Variants in BCL7A observed in about 807,000 individuals in gnomAD.
BCL7A encodes the protein B-cell CLL/lymphoma 7 protein family member A.
A neutral mutation model predicts 28.4 loss-of-function variants in BCL7A; 11 were observed. The observed-to-expected ratio is 0.39, with a 90% confidence interval of 0.24 to 0.64. The LOEUF (loss-of-function observed/expected upper bound fraction) is 0.64, where lower values mean the gene tolerates loss of function less well. BCL7A is among the 30% of genes least tolerant of loss of function. BCL7A has a pLI of 0.50. For synonymous variants in BCL7A, 123 were observed against 103.3 expected, an observed-to-expected ratio of 1.19 and a Z score of -1.15; for missense variants, 222 against 274.8, an observed-to-expected ratio of 0.81 and a Z score of 1.36.
At chr12:122,042,684 G>C (rs1883985862) in intron 3 of BCL7A, among the ~76,000 whole-genome samples, 1 of 151,644 alleles carries the variant, frequency 6.6e-6, no homozygotes, top group South Asian at 2.1e-4. Context: ...AGTTCAGGGA[G>C]TCCTGACAGT....
At position 122,043,952 on chromosome 12, in the gene BCL7A, C is replaced by G; in HGVS notation, c.338C>G (p.Ser113Cys). The G allele has an allele frequency of 1.9e-6, 3 of 1,614,034 alleles. No individual in the cohort carries two copies. Among genetic ancestry groups the G allele is most frequent in the Non-Finnish European group, 2.5e-6 (3 of 1,180,028 alleles). The change falls in exon 4 of 6, where the codon TCC becomes TGC. Residue 113 changes from serine to cysteine, a missense_variant. By Grantham distance (112) the Ser-to-Cys change is moderately radical. Around this residue, in one of 2 missense-constraint regions of BCL7A, gnomAD observed 155 missense variants for 145.7 expected, o/e 1.06. Coordinates refer to ENST00000261822, the MANE Select transcript of BCL7A (RefSeq NM_001024808.3). ...SPIKQENSSN[S>C]SPAPEPNSAV... Reference sequence around the variant, plus strand: ...ATCAAACAGGAGAACAGCAGCAACTCCAGCCCCGCTCCAGAGCCCAACTCG... The same window carrying G: ...ATCAAACAGGAGAACAGCAGCAACTGCAGCCCCGCTCCAGAGCCCAACTCG...
At position 122,061,335 on chromosome 12, in the gene BCL7A, G is replaced by A. The variant is rs952278800; in HGVS notation, c.*2172G>A. On this transcript the variant is annotated 3_prime_UTR_variant, in exon 6 of 6. Coordinates refer to ENST00000261822, the MANE Select transcript of BCL7A (RefSeq NM_001024808.3). ...TGGCGCAGGTGAGGACTCAGACGAC[G>A]TCCACCGTCCCAAGGCTGTCACTAG... 20 of 230,898 alleles carry A rather than the reference G, an allele frequency of 8.7e-5. 1 individual carries two copies. The highest frequency in any genetic ancestry group is 3.6e-4 in the South Asian group (2 of 5,504). 14.3% of individuals were successfully genotyped at this position (230,898 alleles called of 1,614,324 possible).
intron 4 of BCL7A, among the ~76,000 whole-genome samples, chr12:122,044,932 G>A (rs1212607014): frequency 6.6e-6 from 1 of 152,142 alleles, no homozygotes; most frequent in Non-Finnish European, 1.5e-5. Flanking sequence ...GGGGTGGGGG[G>A]TCTTGCTGAA....
intron 2 of BCL7A, among the ~76,000 whole-genome samples, chr12:122,033,592 G>A (rs1341734044): frequency 1.3e-5 from 2 of 152,300 alleles, no homozygotes; most frequent in Non-Finnish European, 2.9e-5. Context: ...GATTACCGGC[G>A]TGAGCCACCA....
At chr12:122,040,955 G>A (rs565934151) in intron 3 of BCL7A, among the ~76,000 whole-genome samples, 31 of 152,248 alleles carry the variant, frequency 2.0e-4, no homozygotes, top group African/African-American at 6.3e-4. Flanking sequence ...AGCCTCTTGC[G>A]CGTGTGCTTG....
At chr12:122,024,189 A>G (rs976706997) in intron 1 of BCL7A, among the ~76,000 whole-genome samples, 7 of 152,192 alleles carry the variant, frequency 4.6e-5, no homozygotes, top group Non-Finnish European at 1.0e-4. Flanking sequence ...TTGGGGAAAC[A>G]ACACATCGTG....
intron 1 of BCL7A, among the ~76,000 whole-genome samples, chr12:122,030,269 A>G (rs1883713689): frequency 6.6e-6 from 1 of 152,132 alleles, no homozygotes; most frequent in South Asian, 2.1e-4. Context: ...GGGCAGGAGG[A>G]GCCCCGGGGT....
At chr12:122,046,536 A>G (rs533090888) in intron 4 of BCL7A, among the ~76,000 whole-genome samples, 3 of 152,310 alleles carry the variant, frequency 2.0e-5, no homozygotes, top group East Asian at 3.9e-4. Context: ...CCAAGAACCC[A>G]TAGGTCAGCA....
At chr12:122,033,736 C>T (rs547813197) in intron 2 of BCL7A, among the ~76,000 whole-genome samples, 21 of 152,294 alleles carry the variant, frequency 1.4e-4, no homozygotes, top group Non-Finnish European at 1.6e-4. Flanking sequence ...GGATTACAGG[C>T]GTGAGCCACC....
chr12:122,040,803 C>T (rs1021343243), intron 3 of BCL7A, among the ~76,000 whole-genome samples: 2 of 152,030 alleles, frequency 1.3e-5, no homozygotes, highest in African/African-American at 4.8e-5. Flanking sequence ...GGCGGTGCCC[C>T]GGGCCCTTTA....
At chr12:122,023,963 T>C (rs1406925795) in intron 1 of BCL7A, among the ~76,000 whole-genome samples, 1 of 152,312 alleles carries the variant, frequency 6.6e-6, no homozygotes, top group African/African-American at 2.4e-5. Flanking sequence ...TGGGGCCTCC[T>C]ACTCCAGGTT....
intron 4 of BCL7A, 196 bp downstream of exon 4, chr12:122,044,249 C>G (rs977812695): frequency 1.8e-5 from 11 of 618,840 alleles, no homozygotes; most frequent in Non-Finnish European, 2.7e-6. Context: ...TGGCTCATGC[C>G]TGTAATCCCT....
intron 4 of BCL7A, among the ~76,000 whole-genome samples, chr12:122,048,088 C>A (rs548967905): frequency 6.6e-6 from 1 of 151,410 alleles, no homozygotes; most frequent in Admixed American, 6.6e-5. Flanking sequence ...TTTTTAGTAG[C>A]GACAGGGTTT....
At chr12:122,022,996 G>A (rs1883505940) in intron 1 of BCL7A, among the ~76,000 whole-genome samples, 1 of 152,170 alleles carries the variant, frequency 6.6e-6, no homozygotes, top group Admixed American at 6.5e-5. Context: ...TGTTTGTTTT[G>A]CGGAGGGAGC....
In BCL7A at chr12:122,045,430, C is replaced by T. The variant is rs1188725507; in HGVS notation, c.439+1377C>T. Among the ~76,000 whole-genome samples the T allele has an allele frequency of 5.9e-5, 9 of 151,890 alleles. 1 individual carries two copies. The highest frequency in any genetic ancestry group is 1.2e-4 in the Non-Finnish European group (8 of 67,976). The stretch of plus-strand genomic sequence containing the variant: ...TAATACGGGGTCAGACAGCAGGCAG[C>T]GCCTCAGGTGTGGGGGGCTCGTAAG... On this transcript the variant is annotated intron_variant, in intron 4 of 5. Transcript: ENST00000261822.
intron 1 of BCL7A, among the ~76,000 whole-genome samples, chr12:122,022,675 C>T (rs1457057851): frequency 1.4e-5 from 2 of 146,744 alleles, no homozygotes; most frequent in Non-Finnish European, 3.0e-5. Context: ...CGGCCCGCGC[C>T]CCGCCGCCCT....
At chr12:122,039,368 C>T (rs1202547052) in intron 3 of BCL7A, among the ~76,000 whole-genome samples, 1 of 147,972 alleles carries the variant, frequency 6.8e-6, no homozygotes, top group South Asian at 2.1e-4. Context: ...TGATGCGCAC[C>T]TATAGTCACA....
In BCL7A at chr12:122,059,263, A is replaced by T. The variant is rs566007663; in HGVS notation, c.*100A>T. ...AGCGATTCCTCTTGGGTGCGAACAG[A>T]ACTACTAACGTTTCAAGTTTACCAA... is the stretch of plus-strand genomic sequence containing the variant. On this transcript the variant is annotated 3_prime_UTR_variant, in exon 6 of 6. Transcript: ENST00000261822. The surrounding 1 kb of genome is among the most constrained non-coding windows in gnomAD (Gnocchi z 4.0). 55 of 1,114,160 alleles carry T rather than the reference A, an allele frequency of 4.9e-5. 1 individual carries two copies. In the East Asian group the frequency reaches 9.9e-4, roughly 20 times the overall value. The allele number at this position is 1,114,160 out of a possible 1,614,324, so 69.0% of individuals were successfully genotyped here. A position where few individuals can be genotyped will look rare whatever the true frequency, so the allele number is the denominator to read the frequency against.
At chr12:122,056,380 C>T (rs1391167906) in intron 5 of BCL7A, among the ~76,000 whole-genome samples, 1 of 152,120 alleles carries the variant, frequency 6.6e-6, no homozygotes, top group Admixed American at 6.6e-5. Flanking sequence ...CCAGGAGACC[C>T]AGACCTAAAA....
Sources: gnomAD v4.1 joint callset for allele counts (sites outside exome capture counted in the v4.1 genomes callset) on GRCh38, gnomAD v4.1.1 for gene constraint, gnomAD v4.1.1 regional missense constraint, Gnocchi (gnomAD v3.1) non-coding constraint, MANE v1.5 for transcripts, NCBI Gene and HGNC (gene_info 2026-07-23, HGNC 2026-07-21) for gene names.